Variants in FBXL17 observed in about 807,000 individuals in gnomAD.
FBXL17 encodes F-box/LRR-repeat protein 17.
A neutral mutation model predicts 66.2 loss-of-function variants in FBXL17; 22 were observed. That is an observed-to-expected ratio of 0.33 (90% CI 0.24 to 0.47). FBXL17 has a LOEUF of 0.47. FBXL17 is among the 20% of genes least tolerant of loss of function. FBXL17 has a pLI of 1.00. For synonymous variants in FBXL17, 474 were observed against 400.5 expected, an observed-to-expected ratio of 1.18 and a Z score of -2.19; for missense variants, 878 against 948.2, an observed-to-expected ratio of 0.93 and a Z score of 0.97.
At chr5:108,151,032 G>C (rs1751753684) in intron 6 of FBXL17, among the ~76,000 whole-genome samples, 1 of 152,054 alleles carries the variant, frequency 6.6e-6, no homozygotes, top group Non-Finnish European at 1.5e-5. Context: ...GTCCTTCTCA[G>C]AATGCTTACT....
intron 6 of FBXL17, among the ~76,000 whole-genome samples, chr5:108,081,817 T>A (rs538606527): frequency 1.3e-5 from 2 of 152,264 alleles, no homozygotes; most frequent in South Asian, 4.1e-4. Context: ...CACATAAATG[T>A]CCAAGTCATT....
intron 7 of FBXL17, among the ~76,000 whole-genome samples, chr5:108,007,732 G>A (rs751209371): frequency 1.3e-5 from 2 of 152,126 alleles, no homozygotes; most frequent in Non-Finnish European, 2.9e-5. Context: ...ATCTGAGAGC[G>A]TAGATTTCAA....
chr5:108,357,734 A>G (rs1748093095), intron 3 of FBXL17, among the ~76,000 whole-genome samples: 1 of 151,820 alleles, frequency 6.6e-6, no homozygotes, highest in Non-Finnish European at 1.5e-5. Flanking sequence ...TTTTTTTTTA[A>G]ATTATACTTT....
intron 7 of FBXL17, among the ~76,000 whole-genome samples, chr5:108,009,259 T>TAA (rs1491338610): frequency 0.5 from 4,974 of 9,886 alleles, 1,709 homozygotes; most frequent in Non-Finnish European, 0.52. Context: ...TTGTTCCCTG[T>TAA]TTTATATATA....
At position 107,881,159 on chromosome 5, in the gene FBXL17, A is replaced by G; in HGVS notation, c.1843T>C (p.Tyr615His). 6.2e-7 allele frequency: 1 copy of G among 1,610,666 alleles called. No individual in the cohort carries two copies. Among genetic ancestry groups the G allele is most frequent in the African/African-American group, 1.3e-5 (1 of 74,972 alleles). Residue 615 changes from tyrosine to histidine, a missense_variant, in exon 8 of 9, where the codon TAC becomes CAC. Physicochemically the swap from Tyr to His is moderately conservative, Grantham distance 83. Around this residue, in one of 4 missense-constraint regions of FBXL17, gnomAD observed 236 missense variants for 389.1 expected, o/e 0.61. Transcript: ENST00000542267. ...TDYALIAIGR[Y>H]SMTIETVDVG... Reference sequence around the variant, plus strand: ...TCCACAGTCTCTATTGTCATGCTGTATCGCCCAATGGCTATCAGTGCTGCA... The same window carrying G: ...TCCACAGTCTCTATTGTCATGCTGTGTCGCCCAATGGCTATCAGTGCTGCA...
intron 4 of FBXL17, among the ~76,000 whole-genome samples, chr5:108,340,622 A>G (rs1209086159): frequency 6.6e-6 from 1 of 152,188 alleles, no homozygotes; most frequent in Non-Finnish European, 1.5e-5. Flanking sequence ...AAAGAATGGC[A>G]TCATTAATGT....
chr5:107,869,890 C>T (rs1360604889), intron 8 of FBXL17, among the ~76,000 whole-genome samples: 2 of 152,232 alleles, frequency 1.3e-5, no homozygotes, highest in African/African-American at 2.4e-5. Context: ...ATAAACCCTA[C>T]AGTGACTCAT....
intron 7 of FBXL17, among the ~76,000 whole-genome samples, chr5:108,017,796 T>C (rs1754441266): frequency 6.6e-6 from 1 of 152,220 alleles, no homozygotes; most frequent in South Asian, 2.1e-4. Context: ...TCTGAATTAT[T>C]GATTTGTTTA....
chr5:107,861,958 G>A (rs1162297835), intron 8 of FBXL17, 98 bp from the exon 9 acceptor site: 13 of 1,279,222 alleles, frequency 1.0e-5, no homozygotes, highest in African/African-American at 3.0e-5. Flanking sequence ...ACTGTGACAC[G>A]AAGAGCCCTC....
At chr5:108,240,584 C>G (rs1246662482) in intron 4 of FBXL17, among the ~76,000 whole-genome samples, 1 of 152,116 alleles carries the variant, frequency 6.6e-6, no homozygotes. Context: ...GATTCCAGTC[C>G]CTAGACACCA....
At chr5:108,337,124 T>C (rs1468610831) in intron 4 of FBXL17, among the ~76,000 whole-genome samples, 2 of 151,754 alleles carry the variant, frequency 1.3e-5, no homozygotes, top group African/African-American at 4.8e-5. Flanking sequence ...GGCGTGGTGG[T>C]GCACGCCTGT....
chr5:108,147,919 A>C (rs1176450508), intron 6 of FBXL17, among the ~76,000 whole-genome samples: 2 of 152,198 alleles, frequency 1.3e-5, no homozygotes, highest in East Asian at 1.9e-4. Context: ...GAAAAAAAAA[A>C]CTCATAATGT....
chr5:108,135,732 G>C (rs1751107952), intron 6 of FBXL17, among the ~76,000 whole-genome samples: 1 of 152,044 alleles, frequency 6.6e-6, no homozygotes, highest in Non-Finnish European at 1.5e-5. Flanking sequence ...TTTCGATTTA[G>C]GGCTTATGGA....
chr5:107,984,270 A>G (rs558194869), intron 7 of FBXL17, among the ~76,000 whole-genome samples: 2 of 152,328 alleles, frequency 1.3e-5, no homozygotes, highest in African/African-American at 4.8e-5. Flanking sequence ...TCACAGTCCC[A>G]TTTCCCTCTC....
At chr5:107,991,935 C>A (rs558563513) in intron 7 of FBXL17, among the ~76,000 whole-genome samples, 2 of 152,224 alleles carry the variant, frequency 1.3e-5, no homozygotes, top group African/African-American at 4.8e-5. Flanking sequence ...GAGATTTAAT[C>A]ATAGTATTTA....
intron 7 of FBXL17, among the ~76,000 whole-genome samples, chr5:107,961,338 C>T (rs1469494809): frequency 6.6e-6 from 1 of 151,954 alleles, no homozygotes; most frequent in East Asian, 1.9e-4. Context: ...TATTCTCCCA[C>T]CTCAGCCTCC....
intron 4 of FBXL17, among the ~76,000 whole-genome samples, chr5:108,261,631 A>C (rs1050236197): frequency 7.9e-5 from 12 of 152,178 alleles, no homozygotes; most frequent in Admixed American, 6.5e-4. Flanking sequence ...ACCCAAACTA[A>C]ACACATTCTA....
At chr5:107,883,054 C>CT (rs1323128610) in intron 7 of FBXL17, among the ~76,000 whole-genome samples, 1 of 152,122 alleles carries the variant, frequency 6.6e-6, no homozygotes, top group Admixed American at 6.5e-5. Context: ...TAGAATGAAA[C>CT]TTTTTTATTT....
chr5:108,157,436 A>G (rs1381425939), intron 6 of FBXL17, among the ~76,000 whole-genome samples: 1 of 151,934 alleles, frequency 6.6e-6, no homozygotes, highest in African/African-American at 2.4e-5. Context: ...CTCTTACAGG[A>G]AGGTTCGTTT....
Sources: allele counts gnomAD v4.1 joint callset (sites outside exome capture counted in the v4.1 genomes callset), GRCh38; gene constraint gnomAD v4.1.1; regional missense constraint gnomAD v4.1.1; transcripts MANE v1.5; gene names NCBI Gene and HGNC (gene_info 2026-07-23, HGNC 2026-07-21).